DMKN: variants seen among roughly 807,000 people sequenced by gnomAD.
DMKN encodes dermokine, also known as epidermis-specific secreted protein SK30/SK89.
In DMKN, 58 loss-of-function variants were observed where a neutral mutation model predicts 67.6. The observed-to-expected ratio is 0.86, with a 90% CI of 0.69 to 1.07. The LOEUF is 1.07. Ranked by LOEUF, DMKN falls within the 50% of genes least tolerant of loss-of-function variation. DMKN has a pLI of 0.00. For missense variants in DMKN, 596 were observed against 601.5 expected, an observed-to-expected ratio of 0.99 and a Z score of 0.10; for synonymous variants, 240 against 232.3, an observed-to-expected ratio of 1.03 and a Z score of -0.30.
intron 14 of DMKN, 35 bp downstream of exon 14, chr19:35,498,839 C>G (rs1568553934): frequency 1.2e-6 from 2 of 1,614,202 alleles, no homozygotes; most frequent in East Asian, 2.2e-5. Flanking sequence ...CCCCTTCTCT[C>G]TCCAGCCAGA....
In DMKN at chr19:35,512,627, C is replaced by A; in HGVS notation, c.590G>T (p.Gly197Val). The change falls in exon 2 of 16, where the codon GGC becomes GTC. Residue 197 changes from glycine to valine, a missense_variant. Gly to Val is a moderately radical substitution (Grantham distance 109). Coordinates refer to ENST00000339686, the MANE Select transcript of DMKN (RefSeq NM_033317.5). ...NPQGAPWGQG[G>V]NGGPPNFGTN... Reference sequence around the variant, plus strand: ...CCCAAAGTTTGGTGGCCCTCCATTGCCTCCTTGACCCCAGGGAGCTCCCTG... The same window carrying A: ...CCCAAAGTTTGGTGGCCCTCCATTGACTCCTTGACCCCAGGGAGCTCCCTG... The A allele has an allele frequency of 6.2e-7, 1 of 1,614,118 alleles. No homozygotes were observed. Among genetic ancestry groups the A allele is most frequent in the Non-Finnish European group, 8.5e-7 (1 of 1,180,008 alleles).
chr19:35,508,357 G>T, intron 7 of DMKN: 1 of 1,262,320 alleles, frequency 7.9e-7, no homozygotes, highest in Non-Finnish European at 1.1e-6. Flanking sequence ...CTCTCTTTTG[G>T]AACTGGTCCA....
At chr19:35,503,396 A>T (rs887077396) in intron 9 of DMKN, 14 of 1,551,462 alleles carry the variant, frequency 9.0e-6, no homozygotes, top group Non-Finnish European at 1.2e-5. Context: ...GCTCCCATCC[A>T]ATCTGGTGGC....
At chr19:35,502,716 G>C (rs1022764291) in intron 10 of DMKN, 114 bp downstream of exon 10, 166 of 1,006,010 alleles carry the variant, frequency 1.7e-4, no homozygotes, top group Non-Finnish European at 2.4e-4. Context: ...AAAAAAAAAA[G>C]GGGGGGAGTT....
At position 35,512,696 on chromosome 19, in the gene DMKN, TG is replaced by T; in HGVS notation, c.520del (p.His174ThrfsTer13). ...GCCTGCTGAGTTTCCGGGGTATCCG[TG>T]GACCCACGGAGTCCCCAGACCTCCA... ...NPGGLGTPWV[H>X]GYPGNSAGSF... On this transcript the variant is annotated frameshift_variant, in exon 2 of 16. Transcript: ENST00000339686. LOFTEE classifies it high-confidence loss of function. 1 of 1,614,184 alleles carries T rather than the reference TG, an allele frequency of 6.2e-7. No individual in the cohort carries two copies. The highest frequency in any genetic ancestry group is 8.5e-7 in the Non-Finnish European group (1 of 1,180,030).
chr19:35,502,652 C>T (rs900944534), intron 10 of DMKN, among the ~76,000 whole-genome samples, 178 bp downstream of exon 10: 18 of 151,786 alleles, frequency 1.2e-4, no homozygotes, highest in Non-Finnish European at 2.5e-4. Context: ...TTGCAGTGAG[C>T]CGAGATAGTG....
intron 7 of DMKN, chr19:35,508,098 G>T: frequency 1.4e-6 from 2 of 1,419,324 alleles, no homozygotes; most frequent in Non-Finnish European, 1.9e-6. Flanking sequence ...AGGTAGACCT[G>T]GCAGGGATGT....
Position 35,513,357 on chromosome 19 carries a change from C to T in DMKN, c.119G>A (p.Gly40Glu). 6.2e-7 allele frequency: 1 copy of T among 1,613,646 alleles called. No homozygotes were observed. The highest frequency in any genetic ancestry group is 8.5e-7 in the Non-Finnish European group (1 of 1,180,032). The change falls in exon 1 of 16, where the codon GGA (glycine) becomes GAA (glutamate). Residue 40 changes from glycine to glutamate, a missense_variant. Transcript: ENST00000339686. ...STGTNIGEALGHGLGDALSEG... is the reference protein window; with the variant it reads ...STGTNIGEALEHGLGDALSEG... Reference sequence around the variant, plus strand: ...GCTCAGGGCGTCTCCCAGGCCATGTCCAAGGGCCTCCCCAATATTTGTCCC... The same window carrying T: ...GCTCAGGGCGTCTCCCAGGCCATGTTCAAGGGCCTCCCCAATATTTGTCCC...
At chr19:35,503,377 A>C in intron 9 of DMKN, 2 of 1,532,612 alleles carry the variant, frequency 1.3e-6, no homozygotes, top group Non-Finnish European at 1.8e-6. Flanking sequence ...TTAAGGAGGG[A>C]GTGTGGGGGC....
At chr19:35,511,344 C>G in intron 5 of DMKN, 67 bp downstream of exon 5, 3 of 1,594,548 alleles carry the variant, frequency 1.9e-6, no homozygotes, top group Non-Finnish European at 2.6e-6. Context: ...AAACTTGGAG[C>G]CCTCTCCCGG....
intron 5 of DMKN, among the ~76,000 whole-genome samples, chr19:35,510,995 C>T (rs1695440572): frequency 6.6e-6 from 1 of 152,160 alleles, no homozygotes. Context: ...TGTCAGCGTC[C>T]GTAGGTCTCC....
rs746573204 is a variant in DMKN at position 35,511,795 on chromosome 19, A to G, written c.703T>C (p.Ser235Pro). 1.9e-6 allele frequency: 3 copies of G among 1,613,244 alleles called. No homozygotes were observed. In the African/African-American group the frequency reaches 4.0e-5, roughly 22 times the overall value. Residue 235 changes from serine to proline, a missense_variant, in exon 4 of 16, where the codon TCT becomes CCT. Physicochemically the swap from Ser to Pro is moderately conservative, Grantham distance 74. Transcript: ENST00000339686. ...QNEGCTNPPP[S>P]GSGGGSSNSG... ...TTGCTGGAGCCTCCACCTGAGCCAG[A>G]TGGTGGGGGATTCGTGCACTGTCGA...
At chr19:35,502,517 G>T (rs1161034879) in intron 10 of DMKN, among the ~76,000 whole-genome samples, 1 of 151,920 alleles carries the variant, frequency 6.6e-6, no homozygotes, top group Non-Finnish European at 1.5e-5. Context: ...GGCTAACATG[G>T]TATAAACCCT....
In DMKN at chr19:35,511,831, T is replaced by G. The variant is rs2070880915; in HGVS notation, c.685-18A>C. The G allele has an allele frequency of 6.2e-7, 1 of 1,609,386 alleles. No individual in the cohort carries two copies. Among genetic ancestry groups the G allele is most frequent in the Non-Finnish European group, 8.5e-7 (1 of 1,177,428 alleles). On this transcript the variant is annotated intron_variant, in intron 3 of 15. Transcript: ENST00000339686. ...TTCGTGCACTGTCGAGGGAAAGGGA[T>G]GGTGAGTTTGGGGACGGTGAGTTTG...
rs925396341 is a variant in DMKN at position 35,508,013 on chromosome 19, C to G, written c.1038+1898G>C. 9.2e-6 allele frequency: 6 copies of G among 651,938 alleles called. No homozygotes were observed. The South Asian group carries it at 1.3e-4, about 14-fold the overall frequency. The allele number at this position is 651,938 out of a possible 1,614,324, so 40.4% of individuals were successfully genotyped here. A position where few individuals can be genotyped will look rare whatever the true frequency, so the allele number is the denominator to read the frequency against. On this transcript the variant is annotated intron_variant, in intron 7 of 15. Coordinates refer to ENST00000339686, the MANE Select transcript of DMKN (RefSeq NM_033317.5). ...GGTCCCCTCTTAAGGGAGAGGTGGG[C>G]TCCTCTGGAGTCCTGCTTTATCTGC...
At position 35,510,291 on chromosome 19, in the gene DMKN, G is replaced by T. The variant is rs963173764; in HGVS notation, c.919-39C>A. 16 of 1,570,218 alleles carry T rather than the reference G, an allele frequency of 1.0e-5. No individual in the cohort carries two copies. The African/African-American group carries it at 1.6e-4, about 16-fold the overall frequency. ...CAAGATTTCAAACGCTGTCCTAAAG[G>T]ACCTAAAGGGGACCCAGTCGTTCCC... On this transcript the variant is annotated intron_variant, in intron 5 of 15. Coordinates refer to ENST00000339686, the MANE Select transcript of DMKN (RefSeq NM_033317.5).
chr19:35,500,001 G>A lies in DMKN; in HGVS notation c.1316C>T (p.Pro439Leu), dbSNP rs139514515. ...TGAGTACTTCCCACCATAGGCAGTG[G>A]GATACGCATGCTGGTTGTAATTGTA... ...QNYNYNQHAY[P>L]TAYGGKYSVK... Residue 439 changes from proline (P) to leucine (L), a missense_variant, in exon 13 of 16, where the codon CCC becomes CTC. Physicochemically the swap from Pro to Leu is moderately conservative, Grantham distance 98. Transcript: ENST00000339686. 2.5e-6 allele frequency: 4 copies of A among 1,614,114 alleles called. No homozygotes were observed. Among genetic ancestry groups the A allele is most frequent in the African/African-American group, 1.3e-5 (1 of 74,944 alleles).
intron 3 of DMKN, among the ~76,000 whole-genome samples, chr19:35,512,159 G>T (rs889352375): frequency 1.4e-4 from 21 of 151,910 alleles, no homozygotes; most frequent in African/African-American, 4.8e-4. Flanking sequence ...CACTATGACC[G>T]GCTGATTTTT....
intron 7 of DMKN, chr19:35,506,251 A>G: frequency 1.4e-6 from 2 of 1,441,190 alleles, no homozygotes; most frequent in South Asian, 2.9e-5. Context: ...CCACCTGTCA[A>G]CCTGCCCCGG....
Sources: gnomAD v4.1 joint callset for allele counts (sites outside exome capture counted in the v4.1 genomes callset) on GRCh38, gnomAD v4.1.1 for gene constraint, MANE v1.5 for transcripts, NCBI Gene and HGNC (gene_info 2026-07-23, HGNC 2026-07-21) for gene names.